Variants in CALM2 observed in about 807,000 individuals in gnomAD.
CALM2 encodes the protein calmodulin-2.
In CALM2, 2 loss-of-function variants were observed where a neutral mutation model predicts 19.8. The observed-to-expected ratio is 0.10, with a 90% CI of 0.04 to 0.32. The LOEUF (loss-of-function observed/expected upper bound fraction) is 0.32. Among genes scored for constraint, CALM2 ranks in the 10% least tolerant of loss-of-function variants. The pLI, the probability that CALM2 is intolerant of heterozygous loss-of-function variation, is 1.00. For synonymous variants in CALM2, 51 were observed against 52.1 expected (o/e 0.98, Z 0.09); for missense variants, 38 against 178.7 (o/e 0.21, Z 4.49).
Position 47,160,578 on chromosome 2 carries a change from T to C in CALM2, c.*198A>G. ...AGTAAGCCACATGCAACATGTTACT[T>C]GATCAATTTTCTAAAATAAGGTTTT... On this transcript the variant is annotated 3_prime_UTR_variant, in exon 6 of 6. Transcript: ENST00000272298. The C allele has an allele frequency of 2.2e-6, 1 of 458,888 alleles. No homozygotes were observed. Among genetic ancestry groups the C allele is most frequent in the Non-Finnish European group, 4.0e-6 (1 of 253,026 alleles). 28.4% of individuals were successfully genotyped at this position (458,888 alleles called of 1,614,324 possible).
intron 1 of CALM2, chr2:47,173,919 A>C (rs531452805): frequency 6.6e-6 from 1 of 152,368 alleles, no homozygotes; most frequent in Admixed American, 6.5e-5. Context: ...GATCACTGGA[A>C]CAAAATGGCT....
At position 47,162,504 on chromosome 2, in the gene CALM2, A is replaced by C. The variant is rs766437970; in HGVS notation, c.178+15T>G. On this transcript the variant is annotated intron_variant, in intron 3 of 5. Coordinates refer to ENST00000272298, the MANE Select transcript of CALM2 (RefSeq NM_001743.6). Reference sequence around the variant, plus strand: ...TTCTTCAACCCCTCCCAGCCCCACAAAATTGAAGACTTACCATCAGCATCT... The same window carrying C: ...TTCTTCAACCCCTCCCAGCCCCACACAATTGAAGACTTACCATCAGCATCT... The C allele has an allele frequency of 6.2e-7, 1 of 1,614,044 alleles. No individual in the cohort carries two copies. The highest frequency in any genetic ancestry group is 1.1e-5 in the South Asian group (1 of 91,076).
chr2:47,172,698 TA>T (rs900729248), intron 1 of CALM2: 58 of 276,282 alleles, frequency 2.1e-4, no homozygotes, highest in South Asian at 4.0e-4. Flanking sequence ...ACTTTAAGGC[TA>T]AAAAAAAGTT....
At chr2:47,175,063 T>A (rs925593797) in intron 1 of CALM2, among the ~76,000 whole-genome samples, 2 of 128,100 alleles carry the variant, frequency 1.6e-5, no homozygotes, top group Non-Finnish European at 3.2e-5. Context: ...GTATCACAGA[T>A]CACCGCCCTC....
chr2:47,176,593 G>A, upstream of CALM2: 2 of 1,539,232 alleles, frequency 1.3e-6, no homozygotes. Context: ...ACGGAACATC[G>A]CAAACGAGTC....
intron 4 of CALM2, 81 bp downstream of exon 4, chr2:47,162,198 AAACAACC>A: frequency 1.8e-5 from 8 of 433,484 alleles, no homozygotes; most frequent in Non-Finnish European, 3.1e-5. Flanking sequence ...AAAAAAAAAA[AAACAACC>A]AAAAAAACAC....
chr2:47,161,283 G>C (rs1375192268), intron 5 of CALM2, among the ~76,000 whole-genome samples: 1 of 152,068 alleles, frequency 6.6e-6, no homozygotes, highest in African/African-American at 2.4e-5. Context: ...CGATACTTTT[G>C]AAGCACATGT....
chr2:47,165,154 T>C (rs189641072), intron 2 of CALM2, among the ~76,000 whole-genome samples: 181 of 152,332 alleles, frequency 1.2e-3, no homozygotes, highest in African/African-American at 4.0e-3. Context: ...AGTTTACCAA[T>C]GACTACTAGT....
chr2:47,176,330 C>A, intron 1 of CALM2, 111 bp downstream of exon 1: 3 of 1,359,636 alleles, frequency 2.2e-6, no homozygotes, highest in South Asian at 1.3e-5. Flanking sequence ...ATCCCTCTGG[C>A]AGAAACCACT....
At chr2:47,171,762 T>C (rs1666675506) in intron 1 of CALM2, 1 of 152,122 alleles carries the variant, frequency 6.6e-6, no homozygotes, top group Admixed American at 6.5e-5. Context: ...GGGAGTCAAG[T>C]ATACAATGAT....
intron 1 of CALM2, chr2:47,173,727 T>C (rs1666752269): frequency 6.6e-6 from 1 of 152,246 alleles, no homozygotes; most frequent in African/African-American, 2.4e-5. Context: ...TCCATTCCTG[T>C]CTGTTCATTC....
intron 2 of CALM2, among the ~76,000 whole-genome samples, chr2:47,166,114 C>T (rs1000734024): frequency 2.6e-5 from 4 of 152,128 alleles, no homozygotes; most frequent in African/African-American, 9.7e-5. Flanking sequence ...CTAGATCAAC[C>T]TAATGACAAA....
At position 47,162,794 on chromosome 2, in the gene CALM2, G is replaced by A. The variant is rs1687196469; in HGVS notation, c.35-132C>T. 8.5e-6 allele frequency: 6 copies of A among 704,932 alleles called. No individual in the cohort carries two copies. The South Asian group carries it at 1.4e-4, about 17-fold the overall frequency. 43.7% of individuals were successfully genotyped at this position (704,932 alleles called of 1,614,324 possible). On this transcript the variant is annotated intron_variant, in intron 2 of 5. Coordinates refer to ENST00000272298, the MANE Select transcript of CALM2 (RefSeq NM_001743.6). ...GTGAACAGCCACTGCACTTCAGCCT[G>A]GCCAAACTGTAAGACCCCACGTCTC...
chr2:47,161,189 G>GA (rs1341553850), intron 5 of CALM2, among the ~76,000 whole-genome samples: 3 of 152,026 alleles, frequency 2.0e-5, no homozygotes, highest in Non-Finnish European at 4.4e-5. Flanking sequence ...GTTACATCAT[G>GA]AAAAAAATAC....
intron 1 of CALM2, 80 bp from the exon 2 acceptor site, chr2:47,170,844 C>G: frequency 9.2e-7 from 1 of 1,092,252 alleles, no homozygotes. Context: ...TAAAACCTTT[C>G]AAGGGTTACC....
At chr2:47,170,081 TAA>T (rs1666615339) in intron 2 of CALM2, among the ~76,000 whole-genome samples, 1 of 152,130 alleles carries the variant, frequency 6.6e-6, no homozygotes, top group Non-Finnish European at 1.5e-5. Flanking sequence ...TGGCATGGCA[TAA>T]AGAGAACATG....
Position 47,160,688 on chromosome 2 carries a change from G to T in CALM2, c.*88C>A, listed in dbSNP as rs1347873770. The T allele has an allele frequency of 1.3e-5, 9 of 702,202 alleles. No individual in the cohort carries two copies. The highest frequency in any genetic ancestry group is 2.1e-5 in the Non-Finnish European group (9 of 430,946). The allele number at this position is 702,202 out of a possible 1,614,324, so 43.5% of individuals were successfully genotyped here. On this transcript the variant is annotated 3_prime_UTR_variant, in exon 6 of 6. Coordinates refer to ENST00000272298, the MANE Select transcript of CALM2 (RefSeq NM_001743.6). ...ACATGCATATTTTTTTGACAGTAGGGAGAAACCTTTTACAGATAAGTTACA... is the reference window on the plus strand; with the variant it reads ...ACATGCATATTTTTTTGACAGTAGGTAGAAACCTTTTACAGATAAGTTACA...
intron 2 of CALM2, among the ~76,000 whole-genome samples, chr2:47,169,957 C>G (rs1666611417): frequency 2.6e-5 from 1 of 38,826 alleles, no homozygotes; most frequent in Admixed American, 3.6e-4. Context: ...CATTTCAACA[C>G]TACAATAAAA....
chr2:47,173,769 T>C (rs996438766), intron 1 of CALM2: 2 of 152,232 alleles, frequency 1.3e-5, no homozygotes, highest in Admixed American at 6.5e-5. Context: ...CAACAAGGAT[T>C]CCTATATGAA....
Sources: allele counts gnomAD v4.1 joint callset (sites outside exome capture counted in the v4.1 genomes callset), GRCh38; gene constraint gnomAD v4.1.1; transcripts MANE v1.5; gene names NCBI Gene and HGNC (gene_info 2026-07-23, HGNC 2026-07-21).